EXOC6B: variants seen among roughly 807,000 people sequenced by gnomAD.
The protein encoded by EXOC6B is SEC15 homolog B.
A neutral mutation model predicts 113.5 loss-of-function variants in EXOC6B; 54 were observed. That is an observed-to-expected ratio of 0.48 (90% CI 0.38 to 0.60). EXOC6B has a LOEUF of 0.60. EXOC6B is among the 20% of genes least tolerant of loss of function. The probability of loss-of-function intolerance (pLI) is 0.00; values close to 1 mark genes in which losing one functional copy is unlikely to be tolerated. For missense variants in EXOC6B, 797 were observed against 977.5 expected (o/e 0.82, Z 2.46); for synonymous variants, 357 against 339.0 (o/e 1.05, Z -0.58).
chr2:72,465,006 C>G, intron 18 of EXOC6B, 154 bp downstream of exon 18: 3 of 648,606 alleles, frequency 4.6e-6, no homozygotes, highest in Non-Finnish European at 8.0e-6. Flanking sequence ...GAAGTAGCCT[C>G]TACATATCAT....
At chr2:72,637,795 A>T (rs1459990550) in intron 6 of EXOC6B, among the ~76,000 whole-genome samples, 1 of 152,046 alleles carries the variant, frequency 6.6e-6, no homozygotes, top group East Asian at 1.9e-4. Context: ...GTCTCAAAAA[A>T]AAAAAAAAAC....
intron 1 of EXOC6B, among the ~76,000 whole-genome samples, chr2:72,767,830 A>AAAAAAAAAAAAAAAAAAAAAC (rs1683172491): frequency 1.4e-5 from 2 of 144,502 alleles, no homozygotes; most frequent in Non-Finnish European, 3.0e-5. Context: ...AAAAAAAAAA[A>AAAAAAAAAAAAAAAAAAAAAC]AAAGACCAAG....
At chr2:72,190,636 C>T (rs577732242) in intron 20 of EXOC6B, among the ~76,000 whole-genome samples, 6 of 152,204 alleles carry the variant, frequency 3.9e-5, no homozygotes, top group Admixed American at 2.0e-4. Flanking sequence ...ATTTATTTTA[C>T]GCCAATGAGC....
intron 20 of EXOC6B, among the ~76,000 whole-genome samples, chr2:72,332,918 T>G (rs1040791278): frequency 6.6e-6 from 1 of 152,082 alleles, no homozygotes; most frequent in Non-Finnish European, 1.5e-5. Flanking sequence ...GCACAGGATG[T>G]GGAGAGATCA....
intron 6 of EXOC6B, among the ~76,000 whole-genome samples, chr2:72,603,359 C>T (rs750916665): frequency 2.0e-5 from 3 of 152,014 alleles, no homozygotes; most frequent in African/African-American, 7.2e-5. Context: ...CCTCCCTTCC[C>T]CTCCCCTGGC....
intron 20 of EXOC6B, among the ~76,000 whole-genome samples, chr2:72,212,566 T>C (rs1338750941): frequency 1.3e-5 from 2 of 152,188 alleles, no homozygotes; most frequent in African/African-American, 4.8e-5. Flanking sequence ...TTAATAAAAA[T>C]GCATTTGACT....
At chr2:72,611,555 T>G (rs1020152438) in intron 6 of EXOC6B, among the ~76,000 whole-genome samples, 1 of 152,192 alleles carries the variant, frequency 6.6e-6, no homozygotes, top group Non-Finnish European at 1.5e-5. Flanking sequence ...AGTAGTGATG[T>G]GCCAGTACTA....
At chr2:72,256,773 C>T (rs1365768726) in intron 20 of EXOC6B, among the ~76,000 whole-genome samples, 1 of 152,116 alleles carries the variant, frequency 6.6e-6, no homozygotes, top group Non-Finnish European at 1.5e-5. Flanking sequence ...TCAAGATTAA[C>T]CAAGTTTGGG....
intron 1 of EXOC6B, among the ~76,000 whole-genome samples, chr2:72,814,485 C>A (rs1176213890): frequency 6.6e-6 from 1 of 152,148 alleles, no homozygotes; most frequent in Non-Finnish European, 1.5e-5. Flanking sequence ...GGTGTTTTAA[C>A]AGAGTCCCAG....
At chr2:72,671,779 GAAAGAA>G (rs1553464025) in intron 6 of EXOC6B, among the ~76,000 whole-genome samples, 1 of 103,416 alleles carries the variant, frequency 9.7e-6, no homozygotes, top group Non-Finnish European at 1.9e-5. Flanking sequence ...AAGAAAGAAA[GAAAGAA>G]AGAAAGAAAG....
rs151316716 is a variant in EXOC6B at position 72,638,426 on chromosome 2, C to T, written c.670-62758G>A. Among the ~76,000 whole-genome samples, 578 of 152,028 alleles carry T rather than the reference C, an allele frequency of 3.8e-3. 10 individuals are homozygous for T. The highest frequency in any genetic ancestry group is 0.014 in the African/African-American group (563 of 41,470). On this transcript the variant is annotated intron_variant, in intron 6 of 21. Coordinates refer to ENST00000272427, the MANE Select transcript of EXOC6B (RefSeq NM_015189.3). The stretch of plus-strand genomic sequence containing the variant: ...TGCAACAAGGTGGCACAGCTCCTAC[C>T]GAGGGACAAGACAACTGGTATAATC...
chr2:72,549,950 G>C (rs1231922213), intron 8 of EXOC6B, among the ~76,000 whole-genome samples: 1 of 152,104 alleles, frequency 6.6e-6, no homozygotes, highest in East Asian at 1.9e-4. Flanking sequence ...CAAAGTTGGA[G>C]CCAAAAGGTC....
intron 20 of EXOC6B, among the ~76,000 whole-genome samples, chr2:72,228,585 G>C (rs1229365161): frequency 6.6e-6 from 1 of 152,074 alleles, no homozygotes; most frequent in Non-Finnish European, 1.5e-5. Flanking sequence ...TCCCTACAAA[G>C]GACATGAACT....
chr2:72,492,698 G>A (rs1026304857), intron 15 of EXOC6B, among the ~76,000 whole-genome samples: 1 of 151,466 alleles, frequency 6.6e-6, no homozygotes, highest in Admixed American at 6.6e-5. Flanking sequence ...GTACTTTAAG[G>A]ATGTCACTCC....
At chr2:72,194,227 T>G (rs1679020629) in intron 20 of EXOC6B, among the ~76,000 whole-genome samples, 1 of 152,116 alleles carries the variant, frequency 6.6e-6, no homozygotes, top group African/African-American at 2.4e-5. Context: ...AAGAATTATT[T>G]TATGGGAGAA....
chr2:72,815,575 T>C (rs1686191750), intron 1 of EXOC6B, among the ~76,000 whole-genome samples: 1 of 151,490 alleles, frequency 6.6e-6, no homozygotes, highest in African/African-American at 2.4e-5. Context: ...AAACATATTA[T>C]TGTGAGATTT....
In EXOC6B at chr2:72,641,240, C is replaced by T. The variant is rs758105349; in HGVS notation, c.670-65572G>A. 4.5e-4 allele frequency among the ~76,000 whole-genome samples: 68 copies of T among 152,168 alleles called. 1 individual carries two copies. Among genetic ancestry groups the T allele is most frequent in the Non-Finnish European group, 8.4e-4 (57 of 68,022 alleles). On this transcript the variant is annotated intron_variant, in intron 6 of 21. Coordinates refer to ENST00000272427, the MANE Select transcript of EXOC6B (RefSeq NM_015189.3). Reference sequence around the variant, plus strand: ...GACAGTGGGTGCAGCTCAGAGAGGGCGAGCTGAAGCAGGGCGGGGCATCGC... The same window carrying T: ...GACAGTGGGTGCAGCTCAGAGAGGGTGAGCTGAAGCAGGGCGGGGCATCGC...
chr2:72,683,733 T>C (rs898372135), intron 6 of EXOC6B, among the ~76,000 whole-genome samples: 4 of 152,164 alleles, frequency 2.6e-5, no homozygotes, highest in Non-Finnish European at 5.9e-5. Context: ...TCAAGTAAAT[T>C]GACCTTTCTA....
At chr2:72,393,108 T>A (rs946900888) in intron 18 of EXOC6B, among the ~76,000 whole-genome samples, 8 of 151,956 alleles carry the variant, frequency 5.3e-5, no homozygotes, top group Non-Finnish European at 1.2e-4. Context: ...GGTTCTTTTT[T>A]TTTTTGAGAC....
Sources: gnomAD v4.1 joint callset for allele counts (sites outside exome capture counted in the v4.1 genomes callset) on GRCh38, gnomAD v4.1.1 for gene constraint, MANE v1.5 for transcripts, NCBI Gene and HGNC (gene_info 2026-07-23, HGNC 2026-07-21) for gene names.